The following STXBP5L variants were observed in gnomAD, a reference collection of about 807,000 sequenced individuals.
STXBP5L encodes syntaxin binding protein 5L, also known as syntaxin-binding protein 5-like.
STXBP5L carries 65 observed loss-of-function variants against 144.5 expected under a neutral mutation model. The ratio of observed to expected loss-of-function variants is 0.45; its 90% CI spans 0.37 to 0.55. The LOEUF is 0.55. Ranked by LOEUF, STXBP5L falls within the 20% of genes least tolerant of loss-of-function variation. STXBP5L has a pLI of 0.00. For missense variants in STXBP5L, 1,298 were observed against 1,405.5 expected, an observed-to-expected ratio of 0.92 and a Z score of 1.22; for synonymous variants, 505 against 469.6, an observed-to-expected ratio of 1.08 and a Z score of -0.97.
intron 26 of STXBP5L, among the ~76,000 whole-genome samples, chr3:121,418,800 G>T (rs2047300459): frequency 6.6e-6 from 1 of 151,910 alleles, no homozygotes; most frequent in Non-Finnish European, 1.5e-5. Flanking sequence ...ATTATCCATT[G>T]GTTCTGATAC....
intron 13 of STXBP5L, among the ~76,000 whole-genome samples, chr3:121,239,634 C>T: frequency 7.0e-6 from 1 of 143,432 alleles, no homozygotes; most frequent in African/African-American, 2.6e-5. Flanking sequence ...CTCATATTCT[C>T]ACTCATAGGT....
intron 15 of STXBP5L, 141 bp from the exon 16 acceptor site, chr3:121,254,754 G>A (rs1283604965): frequency 4.3e-6 from 3 of 700,846 alleles, no homozygotes; most frequent in Non-Finnish European, 6.9e-6. Context: ...GCGTGGCATT[G>A]AATGCTTTAC....
At chr3:121,169,381 AG>A (rs1334288815) in intron 9 of STXBP5L, among the ~76,000 whole-genome samples, 3 of 152,228 alleles carry the variant, frequency 2.0e-5, no homozygotes, top group Non-Finnish European at 2.9e-5. Flanking sequence ...CCCAATTAAA[AG>A]ACACAGACTG....
chr3:120,924,497 A>G (rs1178701872), intron 2 of STXBP5L: 2 of 152,304 alleles, frequency 1.3e-5, no homozygotes, highest in African/African-American at 4.8e-5. Flanking sequence ...TATCTAAACT[A>G]TCTATCTTAA....
chr3:121,335,881 A>G (rs1371875452), intron 20 of STXBP5L, among the ~76,000 whole-genome samples: 3 of 152,204 alleles, frequency 2.0e-5, no homozygotes, highest in African/African-American at 4.8e-5. Flanking sequence ...TGATGGAGAC[A>G]CCAAAAGCAA....
At chr3:121,107,898 G>T (rs1233897612) in intron 5 of STXBP5L, among the ~76,000 whole-genome samples, 2 of 152,080 alleles carry the variant, frequency 1.3e-5, no homozygotes, top group Non-Finnish European at 2.9e-5. Flanking sequence ...TTGAGCAGTG[G>T]TTTGTAGTTC....
intron 2 of STXBP5L, among the ~76,000 whole-genome samples, chr3:120,952,507 TA>T (rs1241101959): frequency 6.6e-6 from 1 of 152,116 alleles, no homozygotes; most frequent in Non-Finnish European, 1.5e-5. Context: ...ATTGACTTTT[TA>T]TTTTTTTAAT....
chr3:120,960,722 G>A (rs1182775038), intron 3 of STXBP5L, among the ~76,000 whole-genome samples: 1 of 151,218 alleles, frequency 6.6e-6, no homozygotes, highest in Non-Finnish European at 1.5e-5. Context: ...AGAACACTTG[G>A]ACACAGGAAG....
rs574552155 is a variant in STXBP5L at position 121,196,481 on chromosome 3, T to C, written c.878-9442T>C. 2.0e-5 allele frequency among the ~76,000 whole-genome samples: 3 copies of C among 152,274 alleles called. No individual in the cohort carries two copies. In the South Asian group the frequency reaches 6.2e-4, roughly 32 times the overall value. ...CCATAAAAACGGAGGTCTTTCCTTT[T>C]ATCTGTGTTCAAAGAACCAACTTTT... is the stretch of plus-strand genomic sequence containing the variant. On this transcript the variant is annotated intron_variant, in intron 9 of 26. Transcript: ENST00000471454.
At chr3:120,991,261 C>G (rs1196793687) in intron 3 of STXBP5L, among the ~76,000 whole-genome samples, 2 of 151,540 alleles carry the variant, frequency 1.3e-5, no homozygotes, top group Non-Finnish European at 3.0e-5. Flanking sequence ...CAGAGAAATG[C>G]AAATCAAAAC....
rs182619678 is a variant in STXBP5L at position 121,400,414 on chromosome 3, G to A, written c.2588-6829G>A. ...ACTTGGTGACTCTAGCATGTGATCG[G>A]CCAACCAGAGGCCATGTCTCAGATT... On this transcript the variant is annotated intron_variant, in intron 22 of 26. Coordinates refer to ENST00000471454, the MANE Select transcript of STXBP5L (RefSeq NM_001308330.2). 3.9e-5 allele frequency among the ~76,000 whole-genome samples: 6 copies of A among 152,296 alleles called. No homozygotes were observed. In the East Asian group the frequency reaches 9.6e-4, roughly 24 times the overall value.
rs1310526584 is a variant in STXBP5L at position 121,421,217 on chromosome 3, TAA to T, written c.*2123_*2124del. 8 of 152,124 alleles carry T rather than the reference TAA, an allele frequency of 5.3e-5. No homozygotes were observed. Among genetic ancestry groups the T allele is most frequent in the East Asian group, 1.9e-4 (1 of 5,206 alleles). 9.4% of individuals were successfully genotyped at this position (152,124 alleles called of 1,614,324 possible). On this transcript the variant is annotated 3_prime_UTR_variant, in exon 27 of 27. Transcript: ENST00000471454. ...ATCGTTTCTGTATTTTAAAAAAAAC[TAA>T]AAGAGTAAAATATTAGTTTATTTTA... is the stretch of plus-strand genomic sequence containing the variant.
At chr3:121,033,499 C>T (rs1277099688) in intron 3 of STXBP5L, among the ~76,000 whole-genome samples, 1 of 138,654 alleles carries the variant, frequency 7.2e-6, no homozygotes, top group African/African-American at 2.7e-5. Context: ...TGCAGTGCAC[C>T]AGCATGGCAC....
intron 5 of STXBP5L, among the ~76,000 whole-genome samples, chr3:121,083,246 A>G (rs1000000604): frequency 6.6e-6 from 1 of 152,108 alleles, no homozygotes; most frequent in African/African-American, 2.4e-5. Flanking sequence ...ATTTCTATTC[A>G]TCAGGGATAT....
intron 3 of STXBP5L, among the ~76,000 whole-genome samples, chr3:121,015,508 C>CT (rs1388414601): frequency 2.6e-5 from 4 of 152,044 alleles, no homozygotes; most frequent in Non-Finnish European, 4.4e-5. Flanking sequence ...CAAATAGTAA[C>CT]TTTTTTCAAA....
At chr3:121,297,322 G>A (rs1173976469) in intron 19 of STXBP5L, among the ~76,000 whole-genome samples, 1 of 151,892 alleles carries the variant, frequency 6.6e-6, no homozygotes, top group East Asian at 1.9e-4. Context: ...CATACCATCA[G>A]AAATTAGAAA....
intron 1 of STXBP5L, chr3:120,908,981 C>G (rs905981661): frequency 6.6e-6 from 1 of 152,178 alleles, no homozygotes; most frequent in Non-Finnish European, 1.5e-5. Context: ...GGGGTCCGGG[C>G]TGCTGGGGGA....
chr3:121,268,300 C>T (rs1257490128), intron 18 of STXBP5L, among the ~76,000 whole-genome samples: 1 of 152,142 alleles, frequency 6.6e-6, no homozygotes, highest in Non-Finnish European at 1.5e-5. Context: ...CAAACTAACA[C>T]AGGAACAGAA....
intron 20 of STXBP5L, among the ~76,000 whole-genome samples, chr3:121,353,302 C>T (rs902062785): frequency 6.6e-6 from 1 of 152,048 alleles, no homozygotes. Flanking sequence ...TCTGTGAATC[C>T]GTCTGGTCCT....
Sources: gnomAD v4.1 joint callset for allele counts (sites outside exome capture counted in the v4.1 genomes callset) on GRCh38, gnomAD v4.1.1 for gene constraint, MANE v1.5 for transcripts, NCBI Gene and HGNC (gene_info 2026-07-23, HGNC 2026-07-21) for gene names.